The following NLRP4 variants were observed in gnomAD, a reference collection of about 807,000 sequenced individuals.
NLRP4 encodes NACHT, LRR and PYD domains-containing protein 4.
NLRP4 carries 44 observed loss-of-function variants against 84.7 expected under a neutral mutation model. The observed-to-expected ratio is 0.52, with a 90% CI of 0.41 to 0.67. The LOEUF is 0.67. Ranked by LOEUF, NLRP4 falls within the 30% of genes least tolerant of loss-of-function variation. The pLI is 0.00. For synonymous variants in NLRP4, 544 were observed against 476.4 expected, an observed-to-expected ratio of 1.14 and a Z score of -1.85; for missense variants, 1,260 against 1,219.4, an observed-to-expected ratio of 1.03 and a Z score of -0.50.
Position 55,858,933 on chromosome 19 carries a change from A to G in NLRP4, c.1540A>G (p.Lys514Glu). ...CCTTTTAAATAAAAAGGAACAAGAAAAACTGGATGCGTTTTTTGGCTTCCA... is the reference window on the plus strand; with the variant it reads ...CCTTTTAAATAAAAAGGAACAAGAAGAACTGGATGCGTTTTTTGGCTTCCA... ...TGLLNKKEQE[K>E]LDAFFGFQLS... Residue 514 changes from lysine to glutamate, a missense_variant, in exon 3 of 10, where the codon AAA becomes GAA. By Grantham distance (56) the Lys-to-Glu change is moderately conservative. Around this residue, in one of 3 missense-constraint regions of NLRP4, gnomAD observed 712 missense variants for 669.2 expected, o/e 1.06. Transcript: ENST00000301295. The surrounding 1 kb of genome is among the most constrained non-coding windows in gnomAD (Gnocchi z 4.2). 6.2e-7 allele frequency: 1 copy of G among 1,614,156 alleles called. No individual in the cohort carries two copies.
In NLRP4 at chr19:55,858,254, C is replaced by G; in HGVS notation, c.861C>G (p.Leu287=). 6.2e-7 allele frequency: 1 copy of G among 1,614,120 alleles called. No individual in the cohort carries two copies. Among genetic ancestry groups the G allele is most frequent in the East Asian group, 2.2e-5 (1 of 44,872 alleles). Residue 287 remains leucine (L), a synonymous_variant, in exon 3 of 10, where the codon CTC becomes CTG. Transcript: ENST00000301295. This position sits in a 1 kb window ranked among gnomAD's most constrained non-coding sequence, Gnocchi z 4.2. ...TCAAACCCGTGTGCCCGAAGGAGCT[C>G]CGGGATCAGGTGACGATCTCAGAAA... ...IAIKPVCPKE[L]RDQVTISEIY... is the part of the protein sequence containing the mutation.
At chr19:55,853,983 T>G (rs1984309919) in intron 2 of NLRP4, among the ~76,000 whole-genome samples, 1 of 151,616 alleles carries the variant, frequency 6.6e-6, no homozygotes, top group African/African-American at 2.4e-5. Flanking sequence ...CTTTCTTTCT[T>G]CTTTGATACA....
intron 1 of NLRP4, among the ~76,000 whole-genome samples, chr19:55,850,064 A>C (rs117750506): frequency 5.9e-5 from 6 of 101,528 alleles, no homozygotes; most frequent in East Asian, 4.9e-4. Flanking sequence ...GCTGCGGTGG[A>C]ATTTCCGAGA....
chr19:55,852,767 A>C (rs1165276265), intron 2 of NLRP4, among the ~76,000 whole-genome samples: 1 of 152,172 alleles, frequency 6.6e-6, no homozygotes, highest in African/African-American at 2.4e-5. Flanking sequence ...ATGATCCACC[A>C]TGCCCAGCCT....
intron 5 of NLRP4, among the ~76,000 whole-genome samples, chr19:55,862,994 C>A (rs998778777): frequency 6.6e-6 from 1 of 152,144 alleles, no homozygotes; most frequent in Non-Finnish European, 1.5e-5. Context: ...GGTGCACATT[C>A]GACAGAGGGA....
At position 55,858,971 on chromosome 19, in the gene NLRP4, G is replaced by A; in HGVS notation, c.1578G>A (p.Glu526=). The A allele has an allele frequency of 6.2e-7, 1 of 1,614,172 alleles. No homozygotes were observed. Among genetic ancestry groups the A allele is most frequent in the Non-Finnish European group, 8.5e-7 (1 of 1,180,028 alleles). ...TTTTTGGCTTCCAACTGTCCCAAGA[G>A]ATAAAGCAGCAAATTCACCAGTGCC... is the stretch of plus-strand genomic sequence containing the variant. The part of the protein sequence containing the change: ...DAFFGFQLSQ[E]IKQQIHQCLK... The change falls in exon 3 of 10, where the codon GAG becomes GAA. Residue 526 remains glutamate (E), a synonymous_variant. Transcript: ENST00000301295. The surrounding 1 kb of genome is among the most constrained non-coding windows in gnomAD (Gnocchi z 4.2).
chr19:55,865,590 A>C (rs893743127), intron 5 of NLRP4, among the ~76,000 whole-genome samples: 1 of 152,216 alleles, frequency 6.6e-6, no homozygotes, highest in African/African-American at 2.4e-5. Context: ...AAAAATGTGT[A>C]AGTGTACACT....
Position 55,861,340 on chromosome 19 carries a change from G to A in NLRP4, c.1857-46G>A, listed in dbSNP as rs191294521. 4.1e-4 allele frequency: 648 copies of A among 1,580,926 alleles called. 4 individuals are homozygous for A. The African/African-American group carries it at 7.3e-3, about 18-fold the overall frequency. On this transcript the variant is annotated intron_variant, in intron 3 of 9. Transcript: ENST00000301295. Reference sequence around the variant, plus strand: ...TGCGTATATGTGTTACAAGTGGCTCGTGTTGACCGCCTGCCTGTGGAAAGC... The same window carrying A: ...TGCGTATATGTGTTACAAGTGGCTCATGTTGACCGCCTGCCTGTGGAAAGC...
chr19:55,859,942 A>G (rs199776920), intron 3 of NLRP4, among the ~76,000 whole-genome samples: 1 of 138,810 alleles, frequency 7.2e-6, no homozygotes, highest in East Asian at 2.1e-4. Context: ...AAAAAAAAAA[A>G]AAAAAAAAAA....
At chr19:55,870,204 G>C (rs1204453254) in intron 6 of NLRP4, among the ~76,000 whole-genome samples, 1 of 152,182 alleles carries the variant, frequency 6.6e-6, no homozygotes. Flanking sequence ...CAGTCCCTGA[G>C]GGAGCGGTCT....
chr19:55,840,823 G>T (rs1983585817), intron 1 of NLRP4, among the ~76,000 whole-genome samples: 1 of 152,144 alleles, frequency 6.6e-6, no homozygotes, highest in African/African-American at 2.4e-5. Flanking sequence ...TTGGCTTGGG[G>T]TCTGCTTTTC....
At chr19:55,880,526 C>T (rs1408396808) in intron 9 of NLRP4, among the ~76,000 whole-genome samples, 2 of 152,158 alleles carry the variant, frequency 1.3e-5, no homozygotes, top group Non-Finnish European at 2.9e-5. Context: ...ATAACTATGG[C>T]AGAACTAAAT....
intron 1 of NLRP4, among the ~76,000 whole-genome samples, chr19:55,849,936 C>CGGTGTGATTTCCGAGACT (rs1983972013): frequency 3.7e-5 from 3 of 82,030 alleles, no homozygotes; most frequent in African/African-American, 1.6e-4. Context: ...TTTCCGTAGC[C>CGGTGTGATTTCCGAGACT]GCGGTGTAAT....
In NLRP4 at chr19:55,870,400, G is replaced by A. The variant is rs145542325; in HGVS notation, c.2355-427G>A. 4.3e-3 allele frequency among the ~76,000 whole-genome samples: 655 copies of A among 152,276 alleles called. 10 individuals carry two copies. Among genetic ancestry groups the A allele is most frequent in the South Asian group, 0.03 (145 of 4,824 alleles). On this transcript the variant is annotated intron_variant, in intron 6 of 9. Transcript: ENST00000301295. ...GAGAGGGCCGGACGCGGTGGCTCAC[G>A]CCTTGTAATCCCAGCACTTTGGGAG... is the stretch of plus-strand genomic sequence containing the variant.
Position 55,852,016 on chromosome 19 carries a change from G to T in NLRP4, c.-65G>T. 1 of 1,244,130 alleles carries T rather than the reference G, an allele frequency of 8.0e-7. No individual in the cohort carries two copies. Among genetic ancestry groups the T allele is most frequent in the Non-Finnish European group, 1.1e-6 (1 of 871,588 alleles). 77.1% of individuals were successfully genotyped at this position (1,244,130 alleles called of 1,614,324 possible). ...TGGCACTGTCCTGAATTTTCTACAG[G>T]TTTTATTTATTTATTGTTCCTGGTC... is the stretch of plus-strand genomic sequence containing the variant. On this transcript the variant is annotated splice_region_variant and 5_prime_UTR_variant, in exon 2 of 10. Coordinates refer to ENST00000301295, the MANE Select transcript of NLRP4 (RefSeq NM_134444.5).
Position 55,857,851 on chromosome 19 carries a change from T to G in NLRP4, c.458T>G (p.Ile153Ser). The G allele has an allele frequency of 6.2e-7, 1 of 1,614,006 alleles. No individual in the cohort carries two copies. The highest frequency in any genetic ancestry group is 1.7e-5 in the Admixed American group (1 of 60,022). ...EAGKQPRTVI[I>S]QGPQGIGKTT... Reference sequence around the variant, plus strand: ...GGGAAACAGCCACGTACAGTGATCATTCAAGGACCACAAGGAATTGGAAAA... The same window carrying G: ...GGGAAACAGCCACGTACAGTGATCAGTCAAGGACCACAAGGAATTGGAAAA... Residue 153 changes from isoleucine (I) to serine (S), a missense_variant, in exon 3 of 10, where the codon ATT becomes AGT. Physicochemically the swap from Ile to Ser is moderately radical, Grantham distance 142. Transcript: ENST00000301295.
chr19:55,871,075 T>C, intron 7 of NLRP4, 78 bp downstream of exon 7: 1 of 1,283,160 alleles, frequency 7.8e-7, no homozygotes, highest in Non-Finnish European at 1.1e-6. Flanking sequence ...GCATCTGGAA[T>C]TGAGGAAGGC....
chr19:55,853,572 A>C (rs1984254104), intron 2 of NLRP4, among the ~76,000 whole-genome samples: 1 of 151,232 alleles, frequency 6.6e-6, no homozygotes, highest in Admixed American at 6.6e-5. Flanking sequence ...ACACCTGGCT[A>C]ACCTTTTAAA....
intron 1 of NLRP4, among the ~76,000 whole-genome samples, chr19:55,845,170 TC>T (rs1308098985): frequency 1.1e-5 from 1 of 87,418 alleles, no homozygotes; most frequent in African/African-American, 4.5e-5. Context: ...ATGCTATCCC[TC>T]CCCCCTCCCC....
Sources: allele counts gnomAD v4.1 joint callset (sites outside exome capture counted in the v4.1 genomes callset), GRCh38; gene constraint gnomAD v4.1.1; regional missense constraint gnomAD v4.1.1; non-coding constraint Gnocchi (gnomAD v3.1); transcripts MANE v1.5; gene names NCBI Gene and HGNC (gene_info 2026-07-23, HGNC 2026-07-21).